The following ZNF385B variants were observed in gnomAD, a reference collection of about 807,000 sequenced individuals.
ZNF385B encodes zinc finger protein 385B, also known as zinc finger protein 533.
ZNF385B carries 23 observed loss-of-function variants against 39.2 expected under a neutral mutation model. The ratio of observed to expected loss-of-function variants is 0.59; its 90% CI spans 0.42 to 0.83. The LOEUF is 0.83. Ranked by LOEUF, ZNF385B falls within the 40% of genes least tolerant of loss-of-function variation. The pLI, the probability that ZNF385B is intolerant of heterozygous loss-of-function variation, is 0.00. For synonymous variants in ZNF385B, 205 were observed against 222.6 expected, an observed-to-expected ratio of 0.92 and a Z score of 0.70; for missense variants, 552 against 598.9, an observed-to-expected ratio of 0.92 and a Z score of 0.82.
At chr2:179,742,702 G>C (rs1262967785) in intron 3 of ZNF385B, among the ~76,000 whole-genome samples, 1 of 151,946 alleles carries the variant, frequency 6.6e-6, no homozygotes, top group African/African-American at 2.4e-5. Context: ...TACCTCAAAA[G>C]AAAGTACAAA....
At chr2:179,489,140 G>A (rs1024516240) in intron 5 of ZNF385B, among the ~76,000 whole-genome samples, 9 of 152,152 alleles carry the variant, frequency 5.9e-5, no homozygotes, top group Admixed American at 5.2e-4. Flanking sequence ...TGCAAGGGCC[G>A]GGCTCCGAAG....
intron 1 of ZNF385B, among the ~76,000 whole-genome samples, chr2:179,775,096 T>G (rs1458977502): frequency 6.6e-6 from 1 of 152,238 alleles, no homozygotes; most frequent in African/African-American, 2.4e-5. Flanking sequence ...AGTTGAGTTC[T>G]GAGTACCAGA....
chr2:179,444,786 C>T, intron 9 of ZNF385B, 90 bp downstream of exon 9: 1 of 1,080,032 alleles, frequency 9.3e-7, no homozygotes, highest in African/African-American at 1.5e-5. Flanking sequence ...CCTTTCATGA[C>T]ATTAGACTCT....
chr2:179,446,913 A>T, intron 6 of ZNF385B, 143 bp from the exon 7 acceptor site: 6 of 994,498 alleles, frequency 6.0e-6, no homozygotes, highest in Non-Finnish European at 8.6e-6. Context: ...TAGAGGTTAA[A>T]TCAACCTCTA....
At chr2:179,595,992 G>T (rs926092980) in intron 3 of ZNF385B, among the ~76,000 whole-genome samples, 3 of 152,056 alleles carry the variant, frequency 2.0e-5, no homozygotes, top group African/African-American at 4.8e-5. Context: ...TTAGGAGTGG[G>T]TATATATAAA....
At chr2:179,550,514 C>T (rs1300057946) in intron 3 of ZNF385B, among the ~76,000 whole-genome samples, 1 of 149,782 alleles carries the variant, frequency 6.7e-6, no homozygotes, top group Non-Finnish European at 1.5e-5. Flanking sequence ...AACTTAGCAG[C>T]TGTTTACCAT....
chr2:179,551,284 A>C (rs2060548754), intron 3 of ZNF385B, among the ~76,000 whole-genome samples: 1 of 152,136 alleles, frequency 6.6e-6, no homozygotes, highest in Non-Finnish European at 1.5e-5. Flanking sequence ...AAAATTTAAC[A>C]GGAATAATTT....
intron 3 of ZNF385B, among the ~76,000 whole-genome samples, chr2:179,589,047 T>G (rs1415558729): frequency 6.6e-6 from 1 of 152,176 alleles, no homozygotes; most frequent in East Asian, 1.9e-4. Flanking sequence ...CAATTTCTAT[T>G]ATCTGAAACT....
At position 179,706,335 on chromosome 2, in the gene ZNF385B, C is replaced by T. The variant is rs145402411; in HGVS notation, c.298+63168G>A. On this transcript the variant is annotated intron_variant, in intron 3 of 9. Coordinates refer to ENST00000410066, the MANE Select transcript of ZNF385B (RefSeq NM_152520.6). Reference sequence around the variant, plus strand: ...AGTTCTCCTGTCCAGCTCACTGCCACTGGAGTCCCCTGTATGTAAGTCCCC... The same window carrying T: ...AGTTCTCCTGTCCAGCTCACTGCCATTGGAGTCCCCTGTATGTAAGTCCCC... 8.7e-3 allele frequency among the ~76,000 whole-genome samples: 1,322 copies of T among 152,312 alleles called. 12 individuals carry two copies. The highest frequency in any genetic ancestry group is 0.014 in the Non-Finnish European group (945 of 68,030).
intron 1 of ZNF385B, among the ~76,000 whole-genome samples, chr2:179,842,935 G>C (rs1432934066): frequency 1.3e-5 from 2 of 152,206 alleles, no homozygotes; most frequent in African/African-American, 4.8e-5. Context: ...TGTGGAGGGA[G>C]CCTGCCTCAG....
intron 6 of ZNF385B, among the ~76,000 whole-genome samples, chr2:179,471,222 A>G (rs917862215): frequency 3.9e-5 from 6 of 152,204 alleles, no homozygotes; most frequent in Non-Finnish European, 5.9e-5. Flanking sequence ...GAAACTCACA[A>G]TAACATAACA....
At chr2:179,500,349 T>C (rs912200286) in intron 5 of ZNF385B, among the ~76,000 whole-genome samples, 1 of 151,984 alleles carries the variant, frequency 6.6e-6, no homozygotes, top group Non-Finnish European at 1.5e-5. Context: ...AATCACATTA[T>C]CTAACTTCAA....
chr2:179,467,751 G>A (rs906525383), intron 6 of ZNF385B, among the ~76,000 whole-genome samples: 1 of 151,958 alleles, frequency 6.6e-6, no homozygotes, highest in Non-Finnish European at 1.5e-5. Flanking sequence ...CCTGAAAGCA[G>A]GGAAAATTGT....
At chr2:179,802,374 A>G (rs955801852) in intron 1 of ZNF385B, among the ~76,000 whole-genome samples, 2 of 152,214 alleles carry the variant, frequency 1.3e-5, no homozygotes, top group South Asian at 4.1e-4. Context: ...AGTCCCATTT[A>G]CTACATTAAT....
At position 179,659,780 on chromosome 2, in the gene ZNF385B, T is replaced by C. The variant is rs754328041; in HGVS notation, c.298+109723A>G. On this transcript the variant is annotated intron_variant, in intron 3 of 9. Transcript: ENST00000410066. The stretch of plus-strand genomic sequence containing the variant: ...TAACACTTAGATCATGAAGACTCTA[T>C]TGTCTTTAACAACTACTGATTAAAC... Among the ~76,000 whole-genome samples the C allele has an allele frequency of 2.6e-5, 4 of 152,332 alleles. No homozygotes were observed. The East Asian group carries it at 7.7e-4, about 29-fold the overall frequency.
intron 3 of ZNF385B, among the ~76,000 whole-genome samples, chr2:179,634,908 T>A (rs1379893190): frequency 1.3e-5 from 2 of 148,540 alleles, no homozygotes; most frequent in African/African-American, 2.5e-5. Flanking sequence ...GGCAGGCAGA[T>A]CACAAGGTCA....
intron 3 of ZNF385B, among the ~76,000 whole-genome samples, chr2:179,704,453 T>C (rs1157847324): frequency 6.6e-6 from 1 of 152,216 alleles, no homozygotes; most frequent in Non-Finnish European, 1.5e-5. Flanking sequence ...CATGTATGGC[T>C]TTGATAAGAA....
chr2:179,443,311 A>T lies in ZNF385B; in HGVS notation c.1400T>A (p.Leu467Gln). 17 of 1,612,652 alleles carry T rather than the reference A, an allele frequency of 1.1e-5. No homozygotes were observed. Among genetic ancestry groups the T allele is most frequent in the Non-Finnish European group, 1.4e-5 (17 of 1,179,740 alleles). The change falls in exon 10 of 10, where the codon CTG becomes CAG. Residue 467 changes from leucine (L) to glutamine (Q), a missense_variant. Physicochemically the swap from Leu to Gln is moderately radical, Grantham distance 113 (BLOSUM62 -2). Coordinates refer to ENST00000410066, the MANE Select transcript of ZNF385B (RefSeq NM_152520.6). The part of the protein sequence containing the change: ...FQAPAIPPAL[L>Q]RPGHGPIRAT... ...GCGGATGGGCCCATGCCCAGGCCTCAGAAGAGCTGGAGGAATGGCTGGAGC... is the reference window on the plus strand; with the variant it reads ...GCGGATGGGCCCATGCCCAGGCCTCTGAAGAGCTGGAGGAATGGCTGGAGC...
chr2:179,562,616 C>G (rs1684051564), intron 3 of ZNF385B: 126 of 984,246 alleles, frequency 1.3e-4, no homozygotes, highest in Non-Finnish European at 1.5e-4. Flanking sequence ...CAACTTGATT[C>G]CAGGGAGAGG....
Sources: allele counts gnomAD v4.1 joint callset (sites outside exome capture counted in the v4.1 genomes callset), GRCh38; gene constraint gnomAD v4.1.1; transcripts MANE v1.5; gene names NCBI Gene and HGNC (gene_info 2026-07-23, HGNC 2026-07-21).